Variants in MGLL observed in about 807,000 individuals in gnomAD.
The protein encoded by MGLL is lysophospholipase homolog.
In MGLL, 7 loss-of-function variants were observed where a neutral mutation model predicts 29.1. The observed-to-expected ratio is 0.24, with a 90% CI of 0.14 to 0.45. The LOEUF (loss-of-function observed/expected upper bound fraction) is 0.45, where lower values mean the gene tolerates loss of function less well. MGLL is among the 20% of genes least tolerant of loss of function. The pLI, the probability that MGLL is intolerant of heterozygous loss-of-function variation, is 0.99. For missense variants in MGLL, 356 were observed against 413.6 expected, an observed-to-expected ratio of 0.86 and a Z score of 1.21; for synonymous variants, 148 against 168.3, an observed-to-expected ratio of 0.88 and a Z score of 0.93.
At chr3:127,712,777 C>CATGTT (rs2075743277) in intron 5 of MGLL, 3 of 152,284 alleles carry the variant, frequency 2.0e-5, no homozygotes, top group Admixed American at 1.3e-4. Flanking sequence ...GTTCAAGAGT[C>CATGTT]CAGCTAGTAT....
intron 2 of MGLL, among the ~76,000 whole-genome samples, chr3:127,798,098 G>C (rs1255043826): frequency 6.6e-6 from 1 of 152,162 alleles, no homozygotes; most frequent in East Asian, 1.9e-4. Context: ...ATCATAACAG[G>C]TGGAAACCCG....
intron 2 of MGLL, among the ~76,000 whole-genome samples, chr3:127,817,742 G>A (rs566565868): frequency 1.3e-5 from 2 of 152,332 alleles, no homozygotes; most frequent in Non-Finnish European, 1.5e-5. Flanking sequence ...TGAGCTCATG[G>A]GTAAGGAATT....
chr3:127,780,400 T>A (rs1405829256), intron 3 of MGLL, among the ~76,000 whole-genome samples: 1 of 152,132 alleles, frequency 6.6e-6, no homozygotes, highest in Non-Finnish European at 1.5e-5. Flanking sequence ...GAAAAAAAAA[T>A]TCCTATCTGA....
intron 3 of MGLL, among the ~76,000 whole-genome samples, chr3:127,763,174 A>T (rs1201244958): frequency 1.3e-5 from 2 of 152,134 alleles, no homozygotes; most frequent in African/African-American, 4.8e-5. Context: ...GTGGATTCAT[A>T]GGATGTCAGG....
intron 3 of MGLL, among the ~76,000 whole-genome samples, chr3:127,723,651 T>C (rs1021769239): frequency 5.3e-5 from 8 of 152,168 alleles, no homozygotes; most frequent in African/African-American, 9.7e-5. Context: ...AGCTTTTTTC[T>C]CTTTTAAAAT....
chr3:127,715,158 G>A (rs2075790882), intron 5 of MGLL, among the ~76,000 whole-genome samples: 1 of 152,158 alleles, frequency 6.6e-6, no homozygotes, highest in Non-Finnish European at 1.5e-5. Flanking sequence ...GATTGTATTG[G>A]CCAAAGTGGG....
At chr3:127,741,363 C>A (rs1403327729) in intron 3 of MGLL, among the ~76,000 whole-genome samples, 1 of 152,338 alleles carries the variant, frequency 6.6e-6, no homozygotes. Context: ...TGTGGGGTGG[C>A]CCTGAGTGTG....
intron 2 of MGLL, among the ~76,000 whole-genome samples, chr3:127,817,238 G>T (rs900437372): frequency 1.3e-5 from 2 of 152,250 alleles, no homozygotes; most frequent in African/African-American, 4.8e-5. Context: ...AAAGGAGGAG[G>T]CACTTACTGG....
chr3:127,733,340 C>T (rs963885117), intron 3 of MGLL, among the ~76,000 whole-genome samples: 1 of 152,208 alleles, frequency 6.6e-6, no homozygotes, highest in Admixed American at 6.5e-5. Flanking sequence ...TAAAAATGGG[C>T]ACCCACCAGC....
chr3:127,764,475 G>A (rs142768634), intron 3 of MGLL, among the ~76,000 whole-genome samples: 62 of 152,282 alleles, frequency 4.1e-4, no homozygotes, highest in African/African-American at 1.4e-3. Flanking sequence ...CCCCAGGAGA[G>A]GCCCGGGCCA....
chr3:127,785,871 T>C (rs762538623), intron 2 of MGLL, among the ~76,000 whole-genome samples: 3 of 152,014 alleles, frequency 2.0e-5, no homozygotes, highest in Non-Finnish European at 4.4e-5. Flanking sequence ...GTGAGCACCA[T>C]GAGGGGGTCG....
chr3:127,803,793 C>T (rs994622261), intron 2 of MGLL, among the ~76,000 whole-genome samples: 3 of 152,184 alleles, frequency 2.0e-5, no homozygotes, highest in Middle Eastern at 3.2e-3. Context: ...GAAAACATTA[C>T]TCATTCCCTC....
At chr3:127,725,397 G>A (rs2076012531) in intron 3 of MGLL, among the ~76,000 whole-genome samples, 2 of 152,042 alleles carry the variant, frequency 1.3e-5, no homozygotes, top group Admixed American at 6.6e-5. Context: ...GTACACTGAC[G>A]GTCCCTTTCC....
chr3:127,810,877 A>C (rs2077651228), intron 2 of MGLL, among the ~76,000 whole-genome samples: 1 of 136,016 alleles, frequency 7.4e-6, no homozygotes, highest in African/African-American at 3.8e-5. Context: ...TCTGACATCC[A>C]CAGCAACTTC....
chr3:127,728,736 T>A (rs1373664214), intron 3 of MGLL, among the ~76,000 whole-genome samples: 2 of 152,260 alleles, frequency 1.3e-5, no homozygotes, highest in Non-Finnish European at 2.9e-5. Context: ...TCAGGGTATG[T>A]GCCTAGATGC....
At chr3:127,753,557 C>T (rs916068127) in intron 3 of MGLL, among the ~76,000 whole-genome samples, 5 of 152,214 alleles carry the variant, frequency 3.3e-5, no homozygotes, top group Admixed American at 1.3e-4. Context: ...ACGTGCTGGG[C>T]GCTTCTGCAG....
chr3:127,792,953 C>T (rs1011501168), intron 2 of MGLL, among the ~76,000 whole-genome samples: 6 of 152,212 alleles, frequency 3.9e-5, no homozygotes, highest in Non-Finnish European at 7.3e-5. Context: ...ATGAAGCAGG[C>T]ACATCTGGGC....
At chr3:127,732,993 G>C (rs2076178227) in intron 3 of MGLL, among the ~76,000 whole-genome samples, 1 of 152,136 alleles carries the variant, frequency 6.6e-6, no homozygotes, top group South Asian at 2.1e-4. Context: ...ACTCCATCTT[G>C]AACGGGGGCT....
At chr3:127,712,345 C>G (rs888178842) in intron 5 of MGLL, 1 of 152,248 alleles carries the variant, frequency 6.6e-6, no homozygotes, top group African/African-American at 2.4e-5. Context: ...GTCCTAGGCC[C>G]GCACAAGTGT....
Sources: gnomAD v4.1 joint callset for allele counts (sites outside exome capture counted in the v4.1 genomes callset) on GRCh38, gnomAD v4.1.1 for gene constraint, MANE v1.5 for transcripts, NCBI Gene and HGNC (gene_info 2026-07-23, HGNC 2026-07-21) for gene names.